The following PTPRM variants were observed in gnomAD, a reference collection of about 807,000 sequenced individuals.
PTPRM encodes protein tyrosine phosphatase receptor type M, also known as receptor-type tyrosine-protein phosphatase mu.
Under a neutral mutation model 186.7 loss-of-function variants are expected in PTPRM, and 47 were observed. That is an observed-to-expected ratio of 0.25 (90% CI 0.20 to 0.32). The LOEUF is 0.32. PTPRM is among the 10% of genes least tolerant of loss of function. The probability of loss-of-function intolerance (pLI) is 1.00; values close to 1 mark genes in which losing one functional copy is unlikely to be tolerated. For synonymous variants in PTPRM, 668 were observed against 674.9 expected (o/e 0.99, Z 0.16); for missense variants, 1,494 against 1,865.0 (o/e 0.80, Z 3.66).
chr18:7,690,621 G>A (rs1197848205), intron 1 of PTPRM, among the ~76,000 whole-genome samples: 1 of 152,170 alleles, frequency 6.6e-6, no homozygotes, highest in African/African-American at 2.4e-5. Context: ...TGTCTGATAA[G>A]TGTTTTCAAG....
intron 13 of PTPRM, among the ~76,000 whole-genome samples, chr18:8,126,629 G>A (rs991548230): frequency 6.6e-6 from 1 of 152,084 alleles, no homozygotes; most frequent in Non-Finnish European, 1.5e-5. Context: ...TTTATCTTCA[G>A]TAAACCGTGG....
chr18:7,985,332 A>C (rs577229581), intron 7 of PTPRM, among the ~76,000 whole-genome samples: 42 of 124,674 alleles, frequency 3.4e-4, no homozygotes, highest in South Asian at 5.2e-4. Flanking sequence ...TATACATATA[A>C]TTGTATATAC....
At chr18:7,865,494 T>A (rs536979838) in intron 2 of PTPRM, among the ~76,000 whole-genome samples, 5 of 152,320 alleles carry the variant, frequency 3.3e-5, no homozygotes, top group South Asian at 2.1e-4. Flanking sequence ...TATTTATTGA[T>A]TTGTGTATGT....
In PTPRM at chr18:8,394,492, A is replaced by G. The variant is rs745441982; in HGVS notation, c.4225A>G (p.Ser1409Gly). The G allele has an allele frequency of 3.1e-6, 5 of 1,612,574 alleles. No individual in the cohort carries two copies. Among genetic ancestry groups the G allele is most frequent in the Non-Finnish European group, 4.2e-6 (5 of 1,179,290 alleles). The change falls in exon 32 of 33, where the codon AGT (serine) becomes GGT (glycine). Residue 1409 changes from serine (S) to glycine (G), a missense_variant. Ser to Gly is a moderately conservative substitution (Grantham distance 56). Transcript: ENST00000580170. ...VVHCLNGGGR[S>G]GTFCAISIVC... Reference sequence around the variant, plus strand: ...TCACGACAGGAACGGGGGAGGCCGCAGTGGGACGTTCTGCGCCATCAGCAT... The same window carrying G: ...TCACGACAGGAACGGGGGAGGCCGCGGTGGGACGTTCTGCGCCATCAGCAT...
At chr18:8,094,218 A>G (rs1010455873) in intron 11 of PTPRM, among the ~76,000 whole-genome samples, 3 of 152,154 alleles carry the variant, frequency 2.0e-5, no homozygotes, top group Non-Finnish European at 4.4e-5. Context: ...TTAAGATATA[A>G]ATATTCTGGC....
At chr18:7,697,001 C>T (rs572674074) in intron 1 of PTPRM, among the ~76,000 whole-genome samples, 2 of 152,258 alleles carry the variant, frequency 1.3e-5, no homozygotes, top group East Asian at 1.9e-4. Flanking sequence ...TATTTCATTC[C>T]TAAAGCTGAA....
chr18:8,124,432 G>A (rs1189122185), intron 13 of PTPRM, among the ~76,000 whole-genome samples: 1 of 152,106 alleles, frequency 6.6e-6, no homozygotes, highest in Non-Finnish European at 1.5e-5. Context: ...AATTCATTCA[G>A]TCATTTATTT....
intron 2 of PTPRM, among the ~76,000 whole-genome samples, chr18:7,846,808 A>T (rs1442950129): frequency 6.6e-6 from 1 of 152,082 alleles, no homozygotes; most frequent in Non-Finnish European, 1.5e-5. Context: ...CTGAGTAGTT[A>T]CTGCTGGCTA....
chr18:7,834,491 T>TACACACAC (rs36162599), intron 2 of PTPRM, among the ~76,000 whole-genome samples: 4,300 of 84,546 alleles, frequency 0.051, 168 homozygotes, highest in Middle Eastern at 0.072. Flanking sequence ...TATACAAGTA[T>TACACACAC]ACACACACAC....
intron 1 of PTPRM, among the ~76,000 whole-genome samples, chr18:7,673,773 C>T (rs2144507762): frequency 6.6e-6 from 1 of 152,270 alleles, no homozygotes; most frequent in Non-Finnish European, 1.5e-5. Context: ...ACACTATTTA[C>T]TAGGAAAGAA....
chr18:8,350,871 G>A (rs2095530761), intron 23 of PTPRM, among the ~76,000 whole-genome samples: 1 of 152,178 alleles, frequency 6.6e-6, no homozygotes, highest in South Asian at 2.1e-4. Context: ...TCTGGCCCAT[G>A]CACAGTGGAG....
chr18:8,191,802 A>T (rs1273849049), intron 14 of PTPRM, among the ~76,000 whole-genome samples: 1 of 152,176 alleles, frequency 6.6e-6, no homozygotes, highest in Non-Finnish European at 1.5e-5. Flanking sequence ...AATGTTTTTC[A>T]TATCCCAGAA....
At chr18:7,826,143 GGTGTGAGCCTGCTCT>G (rs2045473382) in intron 2 of PTPRM, among the ~76,000 whole-genome samples, 1 of 152,164 alleles carries the variant, frequency 6.6e-6, no homozygotes, top group Non-Finnish European at 1.5e-5. Flanking sequence ...TCTGTTAGGT[GGTGTGAGCCTGCTCT>G]GTGTTACCTC....
chr18:8,296,337 A>G (rs373107125), intron 19 of PTPRM, 31 bp from the exon 20 acceptor site: 27 of 1,441,492 alleles, frequency 1.9e-5, no homozygotes, highest in Non-Finnish European at 2.6e-5. Flanking sequence ...ACTGCGCCAA[A>G]TTGTAATTCT....
intron 7 of PTPRM, among the ~76,000 whole-genome samples, chr18:8,045,368 G>A (rs2086974657): frequency 6.6e-6 from 1 of 152,112 alleles, no homozygotes; most frequent in Non-Finnish European, 1.5e-5. Context: ...AAACACGAAT[G>A]TTCACAGCAA....
chr18:8,050,996 A>G (rs2087455780), intron 7 of PTPRM, among the ~76,000 whole-genome samples: 2 of 152,206 alleles, frequency 1.3e-5, no homozygotes, highest in Admixed American at 1.3e-4. Context: ...CTCAGCTTTT[A>G]GGAACCAAGG....
intron 13 of PTPRM, among the ~76,000 whole-genome samples, chr18:8,121,697 G>A (rs183652932): frequency 6.6e-6 from 1 of 152,246 alleles, no homozygotes; most frequent in Non-Finnish European, 1.5e-5. Flanking sequence ...ATGAAATTTA[G>A]ATATCAGAGA....
At chr18:7,938,320 T>C (rs911980531) in intron 5 of PTPRM, among the ~76,000 whole-genome samples, 3 of 152,218 alleles carry the variant, frequency 2.0e-5, no homozygotes, top group Non-Finnish European at 4.4e-5. Flanking sequence ...TTTTAAGGCA[T>C]ATTGACTAAG....
intron 7 of PTPRM, among the ~76,000 whole-genome samples, chr18:8,064,697 T>C (rs1600354421): frequency 6.6e-6 from 1 of 152,324 alleles, no homozygotes; most frequent in African/African-American, 2.4e-5. Context: ...CAATTTCAGC[T>C]TGACTGACAA....
Sources: gnomAD v4.1 joint callset for allele counts (sites outside exome capture counted in the v4.1 genomes callset) on GRCh38, gnomAD v4.1.1 for gene constraint, MANE v1.5 for transcripts, NCBI Gene and HGNC (gene_info 2026-07-23, HGNC 2026-07-21) for gene names.